Variants in DYNC1I1 observed in about 807,000 individuals in gnomAD.
The protein encoded by DYNC1I1 is dynein cytoplasmic 1 intermediate chain 1.
In DYNC1I1, 43 loss-of-function variants were observed where a neutral mutation model predicts 86.6. That is an observed-to-expected ratio of 0.50 (90% CI 0.39 to 0.64). DYNC1I1 has a LOEUF of 0.64. Ranked by LOEUF, DYNC1I1 falls within the 30% of genes least tolerant of loss-of-function variation. The probability of loss-of-function intolerance (pLI) is 0.00; values close to 1 mark genes in which losing one functional copy is unlikely to be tolerated. For synonymous variants in DYNC1I1, 262 were observed against 283.7 expected (o/e 0.92, Z 0.77); for missense variants, 604 against 788.8 (o/e 0.77, Z 2.81).
chr7:95,951,686 G>A (rs547002685), intron 6 of DYNC1I1, among the ~76,000 whole-genome samples: 2 of 152,238 alleles, frequency 1.3e-5, no homozygotes, highest in Admixed American at 1.3e-4. Flanking sequence ...TCCATGACAC[G>A]ACGGTATCAC....
intron 6 of DYNC1I1, among the ~76,000 whole-genome samples, chr7:95,909,287 T>C (rs934604937): frequency 8.6e-5 from 13 of 150,470 alleles, no homozygotes; most frequent in African/African-American, 2.7e-4. Context: ...AACTTGGATA[T>C]TTTTCGAACT....
chr7:95,890,474 A>C (rs1477357837), intron 6 of DYNC1I1, among the ~76,000 whole-genome samples: 1 of 152,168 alleles, frequency 6.6e-6, no homozygotes, highest in South Asian at 2.1e-4. Context: ...CAGAAAAAGT[A>C]ACTATTGGGT....
At chr7:95,915,254 T>C (rs755512279) in intron 6 of DYNC1I1, among the ~76,000 whole-genome samples, 4 of 152,214 alleles carry the variant, frequency 2.6e-5, no homozygotes, top group Admixed American at 2.6e-4. Context: ...AGAAGCTTTG[T>C]GCATTATTAT....
intron 5 of DYNC1I1, among the ~76,000 whole-genome samples, chr7:95,858,441 A>G (rs753160394): frequency 8.5e-5 from 13 of 152,240 alleles, no homozygotes; most frequent in Admixed American, 3.3e-4. Flanking sequence ...TAATAAGTAG[A>G]AAGAGTACAC....
At chr7:95,871,789 G>T (rs1790177201) in intron 6 of DYNC1I1, among the ~76,000 whole-genome samples, 1 of 152,180 alleles carries the variant, frequency 6.6e-6, no homozygotes. Context: ...TTATGCTGTG[G>T]TCCAAGCAGC....
chr7:95,886,050 A>G (rs1341919519), intron 6 of DYNC1I1, among the ~76,000 whole-genome samples: 2 of 152,208 alleles, frequency 1.3e-5, no homozygotes, highest in African/African-American at 4.8e-5. Context: ...TTGAGCTATT[A>G]CTTGCCCAGT....
chr7:96,002,084 T>G (rs775589731), intron 10 of DYNC1I1, among the ~76,000 whole-genome samples: 6 of 152,156 alleles, frequency 3.9e-5, no homozygotes, highest in Admixed American at 6.5e-5. Flanking sequence ...TCAACAATTA[T>G]TTTGGAGGTA....
At chr7:96,100,631 T>C (rs986539918), downstream of DYNC1I1, among the ~76,000 whole-genome samples, 5 of 146,566 alleles carry the variant, frequency 3.4e-5, no homozygotes, top group African/African-American at 1.3e-4. Context: ...TAAGGAATAA[T>C]TCATTGACTT....
intron 16 of DYNC1I1, among the ~76,000 whole-genome samples, chr7:96,107,062 G>A (rs1791226776): frequency 1.3e-5 from 2 of 148,310 alleles, no homozygotes; most frequent in Admixed American, 6.8e-5. Flanking sequence ...CGTCTCACTT[G>A]GTAGCCCAGG....
At chr7:95,827,946 G>A (rs1234873892) in intron 4 of DYNC1I1, 111 bp from the exon 5 acceptor site, 13 of 1,013,146 alleles carry the variant, frequency 1.3e-5, no homozygotes, top group Non-Finnish European at 1.9e-5. Context: ...CATGTTCTGT[G>A]TATGTATTGT....
chr7:95,933,304 A>G (rs1035723495), intron 6 of DYNC1I1, among the ~76,000 whole-genome samples: 4 of 152,242 alleles, frequency 2.6e-5, no homozygotes, highest in Non-Finnish European at 5.9e-5. Context: ...AGCAAAGAAG[A>G]GTCCAAATGA....
chr7:95,891,733 A>G (rs1047776051), intron 6 of DYNC1I1, among the ~76,000 whole-genome samples: 5 of 152,212 alleles, frequency 3.3e-5, no homozygotes, highest in South Asian at 4.1e-4. Context: ...GTGGGTGAAG[A>G]GTGTGTTTTA....
In DYNC1I1 at chr7:96,030,021, TTTTG is replaced by T. The variant is rs374123437; in HGVS notation, c.1116+1712_1116+1715del. Among the ~76,000 whole-genome samples the T allele has an allele frequency of 8.3e-3, 1,263 of 151,650 alleles. 11 individuals carry two copies. Among genetic ancestry groups the T allele is most frequent in the African/African-American group, 0.029 (1,178 of 41,312 alleles). Reference sequence around the variant, plus strand: ...GTTGTTTTGGTTTTTTTCAGGGGGATTTTGTTTGTTTGTTTTCTCTAATCTATAG... The same window carrying T: ...GTTGTTTTGGTTTTTTTCAGGGGGATTTTGTTTGTTTTCTCTAATCTATAG... On this transcript the variant is annotated intron_variant, in intron 11 of 16. Transcript: ENST00000447467.
At chr7:96,110,240 T>C, downstream of DYNC1I1, 1 of 249,948 alleles carries the variant, frequency 4.0e-6, no homozygotes, top group Non-Finnish European at 8.1e-6. Context: ...ATTTCATGTG[T>C]TTGCGATGAA....
chr7:96,011,172 C>T (rs1175831771), intron 10 of DYNC1I1, among the ~76,000 whole-genome samples: 2 of 152,122 alleles, frequency 1.3e-5, no homozygotes, highest in African/African-American at 4.8e-5. Context: ...GATGTTATTG[C>T]CACCAAGGGG....
At chr7:95,944,577 A>G (rs962858831) in intron 6 of DYNC1I1, among the ~76,000 whole-genome samples, 16 of 152,320 alleles carry the variant, frequency 1.1e-4, no homozygotes, top group South Asian at 6.2e-4. Context: ...ATGCACATGT[A>G]TGTTTATTGC....
chr7:95,989,605 G>A lies in DYNC1I1; in HGVS notation c.843+2450G>A, dbSNP rs115789857. ...GGAGGCACGGGGTGGGGCTGGTCCC[G>A]CCTTGCCTCAGTAGGTGATGGGCCA... On this transcript the variant is annotated intron_variant, in intron 9 of 16. Coordinates refer to ENST00000447467, the MANE Select transcript of DYNC1I1 (RefSeq NM_001135556.2). Among the ~76,000 whole-genome samples, 209 of 152,294 alleles carry A rather than the reference G, an allele frequency of 1.4e-3. 1 individual carries two copies. The highest frequency in any genetic ancestry group is 4.4e-3 in the African/African-American group (183 of 41,556).
chr7:96,004,183 T>C (rs962341839), intron 10 of DYNC1I1, among the ~76,000 whole-genome samples: 6 of 152,236 alleles, frequency 3.9e-5, no homozygotes, highest in African/African-American at 1.4e-4. Flanking sequence ...GTCTATACTT[T>C]GCTTTTTCCG....
intron 6 of DYNC1I1, among the ~76,000 whole-genome samples, chr7:95,917,510 C>G (rs918694053): frequency 6.6e-6 from 1 of 152,154 alleles, no homozygotes; most frequent in African/African-American, 2.4e-5. Context: ...AGCACCTCCT[C>G]CTGAGACATT....
Sources: allele counts gnomAD v4.1 joint callset (sites outside exome capture counted in the v4.1 genomes callset), GRCh38; gene constraint gnomAD v4.1.1; transcripts MANE v1.5; gene names NCBI Gene and HGNC (gene_info 2026-07-23, HGNC 2026-07-21).